Variants in DVL2 observed in about 807,000 individuals in gnomAD.
DVL2 encodes segment polarity protein dishevelled homolog DVL-2.
In DVL2, 38 loss-of-function variants were observed where a neutral mutation model predicts 69.8. The observed-to-expected ratio is 0.54, with a 90% CI of 0.42 to 0.71. The LOEUF is 0.71. Among genes scored for constraint, DVL2 ranks in the 30% least tolerant of loss-of-function variants. The pLI, the probability that DVL2 is intolerant of heterozygous loss-of-function variation, is 0.00. For synonymous variants in DVL2, 428 were observed against 392.4 expected (o/e 1.09, Z -1.07); for missense variants, 931 against 1,008.1 (o/e 0.92, Z 1.04).
chr17:7,230,323 C>A lies in DVL2; in HGVS notation c.372G>T (p.Arg124Ser), dbSNP rs2071523802. The A allele has an allele frequency of 6.2e-7, 1 of 1,614,044 alleles. No homozygotes were observed. The highest frequency in any genetic ancestry group is 8.5e-7 in the Non-Finnish European group (1 of 1,180,042). The change falls in exon 3 of 15, where the codon AGG (arginine) becomes AGT (serine). Residue 124 changes from arginine (R) to serine (S), a missense_variant. Physicochemically the swap from Arg to Ser is moderately radical, Grantham distance 110 (BLOSUM62 -1). This residue lies in a region of DVL2 where 555 missense variants were observed against 588.8 expected (regional missense o/e 0.94). Coordinates refer to ENST00000005340, the MANE Select transcript of DVL2 (RefSeq NM_004422.3). ...APPLPPLPPE[R>S]TSGIGDSRPP... is the part of the protein sequence containing the mutation. ...GCCTTGAGTCCCCAATGCCGCTGGT[C>A]CTCTCGGGTGGCAAAGGAGGTAAAG...
chr17:7,227,302 GTTC>G (rs915779986), intron 12 of DVL2, 33 bp from the exon 13 acceptor site: 1 of 1,600,206 alleles, frequency 6.2e-7, no homozygotes, highest in East Asian at 2.2e-5. Flanking sequence ...AAGGCCTCAG[GTTC>G]TTCTTCCAAC....
Position 7,226,063 on chromosome 17 carries a change from AG to A in DVL2, c.2012del (p.Pro671LeufsTer10). The A allele has an allele frequency of 6.2e-7, 1 of 1,603,870 alleles. No individual in the cohort carries two copies. Among genetic ancestry groups the A allele is most frequent in the Non-Finnish European group, 8.5e-7 (1 of 1,174,364 alleles). On this transcript the variant is annotated frameshift_variant, in exon 15 of 15. Coordinates refer to ENST00000005340, the MANE Select transcript of DVL2 (RefSeq NM_004422.3). LOFTEE classifies it high-confidence loss of function. ...TGGGGTTGTAGGGGAGGGCCATGCCAGGGGGCGGTCCATAGGGATGGAGCCC... is the reference window on the plus strand; with the variant it reads ...TGGGGTTGTAGGGGAGGGCCATGCCAGGGGCGGTCCATAGGGATGGAGCCC... ...HPGLHPYGPPPGMALPYNPMM... is the reference protein window; with the variant it reads ...HPGLHPYGPPXGMALPYNPMM...
chr17:7,227,651 T>C lies in DVL2; in HGVS notation c.1231+4A>G. 1 of 1,614,114 alleles carries C rather than the reference T, an allele frequency of 6.2e-7. No individual in the cohort carries two copies. The highest frequency in any genetic ancestry group is 8.5e-7 in the Non-Finnish European group (1 of 1,180,018). On this transcript the variant is annotated splice_donor_region_variant and intron_variant, in intron 11 of 14. Coordinates refer to ENST00000005340, the MANE Select transcript of DVL2 (RefSeq NM_004422.3). ...GGGTGGGATGAGGTGGGCTGGCGGC[T>C]CACCATCAGGCAAAGACGATCCAGA...
Position 7,225,616 on chromosome 17 carries a change from A to G in DVL2, c.*249T>C. The G allele has an allele frequency of 1.9e-6, 1 of 540,220 alleles. No individual in the cohort carries two copies. Among genetic ancestry groups the G allele is most frequent in the African/African-American group, 1.9e-5 (1 of 51,844 alleles). 33.5% of individuals were successfully genotyped at this position (540,220 alleles called of 1,614,324 possible). A position where few individuals can be genotyped will look rare whatever the true frequency, so the allele number is the denominator to read the frequency against. ...CCTATTAAAAAAGTCCCAAAAATGT[A>G]AGAAACTCTATTTTAACCCCCAAAA... On this transcript the variant is annotated 3_prime_UTR_variant, in exon 15 of 15. Coordinates refer to ENST00000005340, the MANE Select transcript of DVL2 (RefSeq NM_004422.3).
rs781381466 is a variant in DVL2, at chr17:7,234,299, C to A, written c.-37G>T. 6.3e-7 allele frequency: 1 copy of A among 1,592,556 alleles called. No homozygotes were observed. The highest frequency in any genetic ancestry group is 8.5e-7 in the Non-Finnish European group (1 of 1,169,724). On this transcript the variant is annotated 5_prime_UTR_variant, in exon 1 of 15. Transcript: ENST00000005340. Reference sequence around the variant, plus strand: ...CGCGCTCCCGGGCTCCACCGCCCACCCAAAGGGCTAATGGCCCCTGCCGCG... The same window carrying A: ...CGCGCTCCCGGGCTCCACCGCCCACACAAAGGGCTAATGGCCCCTGCCGCG...
chr17:7,226,377 C>G, intron 14 of DVL2, 44 bp downstream of exon 14: 1 of 1,531,658 alleles, frequency 6.5e-7, no homozygotes, highest in Non-Finnish European at 8.8e-7. Context: ...CCCCTCTCAT[C>G]CACCCTCAGA....
At position 7,228,955 on chromosome 17, in the gene DVL2, G is replaced by C; in HGVS notation, c.1034+14C>G. 1 of 1,613,460 alleles carries C rather than the reference G, an allele frequency of 6.2e-7. No individual in the cohort carries two copies. Among genetic ancestry groups the C allele is most frequent in the Non-Finnish European group, 8.5e-7 (1 of 1,179,436 alleles). ...AAAGAGGACTGAGGACCGGCAACCT[G>C]CTTGGCAACTCACCCAGGCTTGTGC... On this transcript the variant is annotated intron_variant, in intron 9 of 14. Transcript: ENST00000005340.
Position 7,227,449 on chromosome 17 carries a change from GGA to G in DVL2, c.1316_1317del (p.Val439AlafsTer12). 6.2e-7 allele frequency: 1 copy of G among 1,614,198 alleles called. No homozygotes were observed. The highest frequency in any genetic ancestry group is 8.5e-7 in the Non-Finnish European group (1 of 1,180,028). Reference sequence around the variant, plus strand: ...GTGATCTTGAGCCACATGCGGTCCCGGACTTCCAGTCCAGACTCTGGAGCTGC... The same window carrying G: ...GTGATCTTGAGCCACATGCGGTCCCGCTTCCAGTCCAGACTCTGGAGCTGC... ...AMAAPESGLE[V>X]RDRMWLKITI... On this transcript the variant is annotated frameshift_variant, in exon 12 of 15. Coordinates refer to ENST00000005340, the MANE Select transcript of DVL2 (RefSeq NM_004422.3). LOFTEE classifies it high-confidence loss of function.
At position 7,226,139 on chromosome 17, in the gene DVL2, G is replaced by A; in HGVS notation, c.1937C>T (p.Pro646Leu). 6.2e-7 allele frequency: 1 copy of A among 1,606,534 alleles called. No individual in the cohort carries two copies. Among genetic ancestry groups the A allele is most frequent in the Non-Finnish European group, 8.5e-7 (1 of 1,176,262 alleles). The change falls in exon 15 of 15, where the codon CCT becomes CTT. Residue 646 changes from proline to leucine, a missense_variant. Physicochemically the swap from Pro to Leu is moderately conservative, Grantham distance 98. Coordinates refer to ENST00000005340, the MANE Select transcript of DVL2 (RefSeq NM_004422.3). ...ACCCCCAGTTGAGCCTCTGGATGGA[G>A]GAGGGCCCCCATCGCTAGTCCCACT... The part of the protein sequence containing the change: ...EASGTSDGGP[P>L]PSRGSTGGAP...
In DVL2 at chr17:7,227,539, G is replaced by A. The variant is rs1184985646; in HGVS notation, c.1232-4C>T. On this transcript the variant is annotated splice_polypyrimidine_tract_variant and splice_region_variant and intron_variant, in intron 11 of 14. Transcript: ENST00000005340. ...GAGAGACCCCGGCCTTCACAGCCTGGCAGAGGAGACAACGGGTAACCAGAG... is the reference window on the plus strand; with the variant it reads ...GAGAGACCCCGGCCTTCACAGCCTGACAGAGGAGACAACGGGTAACCAGAG... 1 of 1,613,788 alleles carries A rather than the reference G, an allele frequency of 6.2e-7. No individual in the cohort carries two copies. Among genetic ancestry groups the A allele is most frequent in the Non-Finnish European group, 8.5e-7 (1 of 1,179,700 alleles).
Position 7,229,670 on chromosome 17 carries a change from C to A in DVL2, c.665G>T (p.Ser222Ile). The A allele has an allele frequency of 6.4e-7, 1 of 1,551,364 alleles. No individual in the cohort carries two copies. Among genetic ancestry groups the A allele is most frequent in the African/African-American group, 1.4e-5 (1 of 73,206 alleles). Residue 222 changes from serine (S) to isoleucine (I), a missense_variant, in exon 6 of 15, where the codon AGC becomes ATC. Transcript: ENST00000005340. This position sits in a 1 kb window ranked among gnomAD's most constrained non-coding sequence, Gnocchi z 4.4. ...GGAGGCACTGCTCTGCTCCGTGGAG[C>A]TGCTGAACCTACCAGGAGGTTGGGA... ...DEEDTMSRFS[S>I]STEQSSASRL...
Position 7,229,775 on chromosome 17 carries a change from G to A in DVL2, c.656+33C>T, listed in dbSNP as rs1321479129. ...ATTGACTGGAAGACGAGACGGGGCT[G>A]GGTGCGCTGGGGAGAGCTGTGCGGA... On this transcript the variant is annotated intron_variant, in intron 5 of 14. Transcript: ENST00000005340. The surrounding 1 kb of genome is among the most constrained non-coding windows in gnomAD (Gnocchi z 4.4). 2 of 1,595,628 alleles carry A rather than the reference G, an allele frequency of 1.3e-6. No individual in the cohort carries two copies. The highest frequency in any genetic ancestry group is 8.6e-7 in the Non-Finnish European group (1 of 1,167,060).
chr17:7,233,152 C>T (rs1346497075), intron 1 of DVL2, among the ~76,000 whole-genome samples: 1 of 143,704 alleles, frequency 7.0e-6, no homozygotes, highest in East Asian at 2.1e-4. Flanking sequence ...AGACCATAAA[C>T]ACAAAAGGGC....
chr17:7,228,095 G>C, intron 9 of DVL2, 51 bp from the exon 10 acceptor site: 1 of 1,433,696 alleles, frequency 7.0e-7, no homozygotes, highest in Non-Finnish European at 9.4e-7. Flanking sequence ...GGAGGCCTCA[G>C]GAGGGCGGGG....
intron 14 of DVL2, 37 bp downstream of exon 14, chr17:7,226,384 C>G (rs1392777778): frequency 1.3e-6 from 2 of 1,530,690 alleles, no homozygotes; most frequent in African/African-American, 2.8e-5. Flanking sequence ...CATCCACCCT[C>G]AGATCCTGGC....
At position 7,226,487 on chromosome 17, in the gene DVL2, G is replaced by GA; in HGVS notation, c.1695dup (p.Pro566SerfsTer5). On this transcript the variant is annotated frameshift_variant, in exon 14 of 15. Coordinates refer to ENST00000005340, the MANE Select transcript of DVL2 (RefSeq NM_004422.3). LOFTEE classifies it high-confidence loss of function. ...TAAGATGAAAGCTCATGGTAGGGTG[G>GA]AGGCTGCGGGCTGTAGGGGTGTGGG... 1.9e-6 allele frequency: 3 copies of GA among 1,577,946 alleles called. No homozygotes were observed. The South Asian group carries it at 3.5e-5, about 18-fold the overall frequency.
intron 1 of DVL2, among the ~76,000 whole-genome samples, chr17:7,232,894 T>C (rs1425599037): frequency 6.6e-6 from 1 of 151,062 alleles, no homozygotes; most frequent in Non-Finnish European, 1.5e-5. Context: ...CAGAGACCAG[T>C]CTGGCTAAAA....
In DVL2 at chr17:7,230,668, A is replaced by G. The variant is rs2071529172; in HGVS notation, c.264+60T>C. On this transcript the variant is annotated intron_variant, in intron 2 of 14. Coordinates refer to ENST00000005340, the MANE Select transcript of DVL2 (RefSeq NM_004422.3). ...CTGGGGAGGATACAGAAACAGACTG[A>G]GGCTTGAGGGAGCTTGGCAATGCTG... is the stretch of plus-strand genomic sequence containing the variant. The G allele has an allele frequency of 2.1e-5, 32 of 1,528,288 alleles. 1 individual carries two copies. The South Asian group carries it at 3.7e-4, about 18-fold the overall frequency. 94.7% of individuals were successfully genotyped at this position (1,528,288 alleles called of 1,614,324 possible).
chr17:7,227,872 T>C (rs866811166), intron 10 of DVL2, 89 bp from the exon 11 acceptor site: 1 of 1,558,192 alleles, frequency 6.4e-7, no homozygotes, highest in African/African-American at 1.4e-5. Context: ...GTTCCACCTC[T>C]GCCTGGACCC....
Sources: gnomAD v4.1 joint callset for allele counts (sites outside exome capture counted in the v4.1 genomes callset) on GRCh38, gnomAD v4.1.1 for gene constraint, gnomAD v4.1.1 regional missense constraint, Gnocchi (gnomAD v3.1) non-coding constraint, MANE v1.5 for transcripts, NCBI Gene and HGNC (gene_info 2026-07-23, HGNC 2026-07-21) for gene names.